HDAC8: variants seen among roughly 807,000 people sequenced by gnomAD.
HDAC8 encodes histone deacetylase-like 1.
A neutral mutation model predicts 32.2 loss-of-function variants in HDAC8; 1 was observed. That is an observed-to-expected ratio of 0.03 (90% CI 0.01 to 0.15). The LOEUF is 0.15. Ranked by LOEUF, HDAC8 falls within the 10% of genes least tolerant of loss-of-function variation. HDAC8 has a pLI of 1.00. For missense variants in HDAC8, 117 were observed against 300.0 expected, an observed-to-expected ratio of 0.39 and a Z score of 4.51; for synonymous variants, 108 against 113.9, an observed-to-expected ratio of 0.95 and a Z score of 0.33.
intron 9 of HDAC8, among the ~76,000 whole-genome samples, chrX:72,444,503 T>G (rs1198822974): frequency 5.5e-5 from 6 of 109,960 alleles, no homozygotes; most frequent in African/African-American, 2.0e-4. Context: ...TGCTAAAAAC[T>G]CTCAATAAAT....
intron 4 of HDAC8, among the ~76,000 whole-genome samples, chrX:72,544,546 C>G (rs185597718): frequency 1.8e-5 from 2 of 111,349 alleles, no homozygotes; most frequent in Admixed American, 1.9e-4. Flanking sequence ...GACTTCATTT[C>G]AAAAAGGCTT....
At chrX:72,404,443 CTTTT>C (rs1467923660) in intron 9 of HDAC8, among the ~76,000 whole-genome samples, 6 of 110,727 alleles carry the variant, frequency 5.4e-5, no homozygotes, top group African/African-American at 1.6e-4. Flanking sequence ...TGCTTTTTGT[CTTTT>C]TTTAATCCCA....
intron 9 of HDAC8, among the ~76,000 whole-genome samples, chrX:72,431,489 A>G (rs2046814695): frequency 9.0e-6 from 1 of 111,016 alleles, no homozygotes; most frequent in East Asian, 2.8e-4. Context: ...GTTATCATAA[A>G]CAAGGCTAAG....
At chrX:72,435,748 G>A (rs938881559) in intron 9 of HDAC8, among the ~76,000 whole-genome samples, 1 of 111,238 alleles carries the variant, frequency 9.0e-6, no homozygotes, top group Non-Finnish European at 1.9e-5. Flanking sequence ...CAGGCAGATC[G>A]CTTGAGGTCA....
intron 9 of HDAC8, among the ~76,000 whole-genome samples, chrX:72,357,834 CT>C (rs2044416848): frequency 8.9e-6 from 1 of 111,876 alleles, no homozygotes; most frequent in Non-Finnish European, 1.9e-5. Flanking sequence ...GGCATTTATC[CT>C]TTACTGTGGC....
At chrX:72,431,079 T>C (rs1206880402) in intron 9 of HDAC8, among the ~76,000 whole-genome samples, 2 of 111,294 alleles carry the variant, frequency 1.8e-5, no homozygotes. Context: ...GATCCCTGCC[T>C]TCTCCCTGTT....
At chrX:72,409,305 T>C (rs1422539664) in intron 9 of HDAC8, among the ~76,000 whole-genome samples, 1 of 111,622 alleles carries the variant, frequency 9.0e-6, no homozygotes, top group Non-Finnish European at 1.9e-5. Context: ...CAAGCTCTCA[T>C]CTCTCACTGG....
chrX:72,559,686 C>T (rs1285430281), intron 4 of HDAC8, among the ~76,000 whole-genome samples: 6 of 108,627 alleles, frequency 5.5e-5, no homozygotes, highest in South Asian at 8.3e-4. Context: ...CCCGCCACCC[C>T]GTCTGGGATG....
chrX:72,348,481 G>A (rs1479161075), intron 10 of HDAC8, among the ~76,000 whole-genome samples: 3 of 112,419 alleles, frequency 2.7e-5, no homozygotes, highest in African/African-American at 9.7e-5. Flanking sequence ...ATGCTGAAGG[G>A]GCACAGTATC....
At chrX:72,341,501 T>C (rs1176329973) in intron 10 of HDAC8, among the ~76,000 whole-genome samples, 1 of 112,025 alleles carries the variant, frequency 8.9e-6, no homozygotes, top group Non-Finnish European at 1.9e-5. Flanking sequence ...TGCTTGTACT[T>C]GGGTAGTTCT....
intron 7 of HDAC8, among the ~76,000 whole-genome samples, chrX:72,475,433 C>T (rs782063172): frequency 8.9e-6 from 1 of 111,883 alleles, no homozygotes; most frequent in Admixed American, 9.5e-5. Context: ...AAATGGGAGC[C>T]GTTCAACTTT....
intron 9 of HDAC8, among the ~76,000 whole-genome samples, chrX:72,429,949 C>G (rs2046766021): frequency 8.9e-6 from 1 of 111,932 alleles, no homozygotes; most frequent in Admixed American, 9.4e-5. Context: ...CTCCATTTCA[C>G]CAACATTTGG....
intron 9 of HDAC8, among the ~76,000 whole-genome samples, chrX:72,452,735 T>G (rs980003858): frequency 2.7e-5 from 3 of 111,934 alleles, no homozygotes; most frequent in African/African-American, 9.7e-5. Context: ...ATCCAATTAT[T>G]TAAAATCCAG....
At chrX:72,352,037 C>G (rs1193269598) in intron 9 of HDAC8, among the ~76,000 whole-genome samples, 199 bp from the exon 10 acceptor site, 1 of 111,676 alleles carries the variant, frequency 9.0e-6, no homozygotes, top group African/African-American at 3.3e-5. Flanking sequence ...ATGATATTCC[C>G]CTGTGAAATT....
intron 7 of HDAC8, among the ~76,000 whole-genome samples, chrX:72,478,676 C>T (rs1457989728): frequency 5.6e-5 from 5 of 89,657 alleles, no homozygotes; most frequent in Non-Finnish European, 1.1e-4. Context: ...TTTTTTTTGA[C>T]GGAGTCTTGC....
Position 72,572,081 on chromosome X carries a change from G to A in HDAC8, c.140C>T (p.Ala47Val). ...RASMVHSLIE[A>V]YALHKQMRIV... ...CCTCATCTGCTTATGCAGTGCATAT[G>A]CTTCAATCAAAGAATGCACCATACT... The change falls in exon 2 of 11, where the codon GCA (alanine) becomes GTA (valine). Residue 47 changes from alanine (A) to valine (V), a missense_variant. This residue lies in a region of HDAC8 where 37 missense variants were observed against 53.1 expected (regional missense o/e 0.70). Coordinates refer to ENST00000373573, the MANE Select transcript of HDAC8 (RefSeq NM_018486.3). 8.4e-7 allele frequency: 1 copy of A among 1,195,454 alleles called. No homozygotes were observed. Among genetic ancestry groups the A allele is most frequent in the Non-Finnish European group, 1.1e-6 (1 of 888,468 alleles).
intron 4 of HDAC8, among the ~76,000 whole-genome samples, chrX:72,524,002 CAT>C (rs1247763691): frequency 1.8e-5 from 2 of 112,064 alleles, no homozygotes; most frequent in African/African-American, 6.5e-5. Flanking sequence ...CCCAGCCTGT[CAT>C]GTGTTTCTGT....
chrX:72,470,075 G>T (rs1369721346), intron 7 of HDAC8, among the ~76,000 whole-genome samples: 1 of 110,048 alleles, frequency 9.1e-6, no homozygotes, highest in African/African-American at 3.3e-5. Context: ...ATGAACCTGG[G>T]AGGCGGAGGT....
At chrX:72,572,608 C>T (rs1556164183) in intron 1 of HDAC8, 43 bp downstream of exon 1, 1 of 600,460 alleles carries the variant, frequency 1.7e-6, no homozygotes, top group Non-Finnish European at 2.4e-6. Flanking sequence ...CGCCCCCACC[C>T]CCACCCCCAA....
Sources: allele counts gnomAD v4.1 joint callset (sites outside exome capture counted in the v4.1 genomes callset), GRCh38; gene constraint gnomAD v4.1.1; regional missense constraint gnomAD v4.1.1; transcripts MANE v1.5; gene names NCBI Gene and HGNC (gene_info 2026-07-23, HGNC 2026-07-21).